Variants in FAM200B observed in about 807,000 individuals in gnomAD.
The protein encoded by FAM200B is zinc finger BED-type containing 11.
FAM200B carries 32 observed loss-of-function variants against 33.1 expected under a neutral mutation model. The ratio of observed to expected loss-of-function variants is 0.97; its 90% CI spans 0.73 to 1.30. The LOEUF (loss-of-function observed/expected upper bound fraction) is 1.30, where lower values mean the gene tolerates loss of function less well. FAM200B is among the 50% of genes most tolerant of loss of function. The probability of loss-of-function intolerance (pLI) is 0.00; values close to 1 mark genes in which losing one functional copy is unlikely to be tolerated. For missense variants in FAM200B, 741 were observed against 754.0 expected (o/e 0.98, Z 0.20); for synonymous variants, 240 against 264.8 (o/e 0.91, Z 0.91).
chr4:15,674,712 C>T, the FAM200B span, among the ~76,000 whole-genome samples: 1 of 150,970 alleles, frequency 6.6e-6, no homozygotes, highest in South Asian at 2.1e-4. Context: ...TGCAGTGACG[C>T]GATCTTGGCT....
chr4:15,673,220 G>A, the FAM200B span, among the ~76,000 whole-genome samples: 4 of 152,170 alleles, frequency 2.6e-5, no homozygotes, highest in South Asian at 4.2e-4. Context: ...TAGCTGGATC[G>A]CTTGAGCCCA....
the FAM200B span, among the ~76,000 whole-genome samples, chr4:15,665,380 C>A: frequency 2.0e-5 from 3 of 152,124 alleles, no homozygotes; most frequent in South Asian, 4.1e-4. Context: ...AGAATCCCTC[C>A]TTCTCTCCAA....
chr4:15,646,646 T>A, the FAM200B span, among the ~76,000 whole-genome samples: 3 of 151,942 alleles, frequency 2.0e-5, no homozygotes, highest in African/African-American at 7.3e-5. Flanking sequence ...GCTGCACCCA[T>A]TAACCCGTCA....
chr4:15,678,960 TA>T (rs532023934), upstream of FAM200B, among the ~76,000 whole-genome samples: 78 of 151,836 alleles, frequency 5.1e-4, no homozygotes, highest in African/African-American at 1.8e-3. Flanking sequence ...TCAGCAGAAA[TA>T]AAAAACAAAC....
chr4:15,644,355 C>T, the FAM200B span: 1 of 696,740 alleles, frequency 1.4e-6, no homozygotes, highest in South Asian at 1.9e-5. Flanking sequence ...AATAGTCTTC[C>T]TTGCCATCTT....
At chr4:15,647,858 G>T in the FAM200B span, among the ~76,000 whole-genome samples, 322 of 152,260 alleles carry the variant, frequency 2.1e-3, 4 homozygotes, top group East Asian at 3.1e-3. Flanking sequence ...CAGAGTTCTT[G>T]TGAGAATTTT....
Position 15,688,054 on chromosome 4 carries a change from C to G in FAM200B, c.1077C>G (p.Ser359Arg). 1 of 1,551,108 alleles carries G rather than the reference C, an allele frequency of 6.4e-7. No individual in the cohort carries two copies. The highest frequency in any genetic ancestry group is 8.7e-7 in the Non-Finnish European group (1 of 1,146,672). Residue 359 changes from serine (S) to arginine (R), a missense_variant, in exon 2 of 2, where the codon AGC (serine) becomes AGG (arginine). By Grantham distance (110) the Ser-to-Arg change is moderately radical (BLOSUM62 -1). Coordinates refer to ENST00000422728, the MANE Select transcript of FAM200B (RefSeq NM_001145191.2). The part of the protein sequence containing the change: ...AVKVVNFIKG[S>R]SLNSRLLETF... Reference sequence around the variant, plus strand: ...AAGTTGTTAATTTTATTAAAGGAAGCTCATTGAATAGCCGGCTTCTTGAAA... The same window carrying G: ...AAGTTGTTAATTTTATTAAAGGAAGGTCATTGAATAGCCGGCTTCTTGAAA...
the FAM200B span, among the ~76,000 whole-genome samples, chr4:15,668,525 A>G: frequency 6.6e-6 from 1 of 151,296 alleles, no homozygotes; most frequent in Non-Finnish European, 1.5e-5. Flanking sequence ...TTCTTTGTTT[A>G]TTTCAAACCA....
chr4:15,657,568 A>G, the FAM200B span, among the ~76,000 whole-genome samples: 27 of 152,380 alleles, frequency 1.8e-4, no homozygotes. Context: ...TAATCAGCTG[A>G]AAAGTAGTAA....
the FAM200B span, among the ~76,000 whole-genome samples, chr4:15,640,387 A>G: frequency 1.0e-5 from 1 of 99,192 alleles, no homozygotes. Flanking sequence ...ACTAAACTAC[A>G]CTACTGAAAA....
chr4:15,675,572 ATTTT>A, the FAM200B span, among the ~76,000 whole-genome samples: 11 of 96,674 alleles, frequency 1.1e-4, no homozygotes, highest in African/African-American at 1.6e-4. Context: ...CAAAACTCCT[ATTTT>A]TTTTTTTTTT....
the FAM200B span, among the ~76,000 whole-genome samples, chr4:15,661,466 G>T: frequency 6.6e-6 from 1 of 152,260 alleles, no homozygotes; most frequent in African/African-American, 2.4e-5. Context: ...TGGTCATGAT[G>T]TTCTCTTTGG....
At chr4:15,645,971 T>C in the FAM200B span, among the ~76,000 whole-genome samples, 1 of 152,246 alleles carries the variant, frequency 6.6e-6, no homozygotes, top group African/African-American at 2.4e-5. Flanking sequence ...TTCTTGCCTT[T>C]ATGGAGTTTC....
the FAM200B span, among the ~76,000 whole-genome samples, chr4:15,663,473 A>G: frequency 6.6e-6 from 1 of 152,142 alleles, no homozygotes. Context: ...TCTGGGTTCA[A>G]ATCTCAGCTG....
the FAM200B span, among the ~76,000 whole-genome samples, chr4:15,649,721 C>T: frequency 1.3e-5 from 2 of 151,734 alleles, no homozygotes; most frequent in Non-Finnish European, 2.9e-5. Context: ...AACCTGGACA[C>T]TAATGGTTCT....
chr4:15,661,138 A>C, the FAM200B span, among the ~76,000 whole-genome samples: 1 of 152,106 alleles, frequency 6.6e-6, no homozygotes, highest in Non-Finnish European at 1.5e-5. Flanking sequence ...TAACCAATTT[A>C]ACTGTGATTA....
chr4:15,649,782 T>G, the FAM200B span, among the ~76,000 whole-genome samples: 18 of 152,190 alleles, frequency 1.2e-4, no homozygotes, highest in African/African-American at 4.1e-4. Context: ...CCTAGTGTTT[T>G]TATATATTTA....
chr4:15,640,238 T>C, the FAM200B span, among the ~76,000 whole-genome samples: 1 of 151,768 alleles, frequency 6.6e-6, no homozygotes, highest in Non-Finnish European at 1.5e-5. Context: ...CATGAGGTCT[T>C]GCTATTTTTC....
At chr4:15,668,453 ATTCT>A in the FAM200B span, among the ~76,000 whole-genome samples, 14,006 of 151,968 alleles carry the variant, frequency 0.092, 781 homozygotes, top group Non-Finnish European at 0.13. Flanking sequence ...TTCAAATCAC[ATTCT>A]TTTATTTTTT....
Sources: allele counts gnomAD v4.1 joint callset (sites outside exome capture counted in the v4.1 genomes callset), GRCh38; gene constraint gnomAD v4.1.1; transcripts MANE v1.5; gene names NCBI Gene and HGNC (gene_info 2026-07-23, HGNC 2026-07-21).